PCDH15: variants seen among roughly 807,000 people sequenced by gnomAD.
PCDH15 encodes protocadherin-15.
PCDH15 carries 129 observed loss-of-function variants against 178.5 expected under a neutral mutation model. The ratio of observed to expected loss-of-function variants is 0.72; its 90% confidence interval spans 0.63 to 0.84. The LOEUF is 0.84. Ranked by LOEUF, PCDH15 falls within the 40% of genes least tolerant of loss-of-function variation. PCDH15 has a pLI of 0.00. For synonymous variants in PCDH15, 800 were observed against 732.0 expected (o/e 1.09, Z -1.50); for missense variants, 2,230 against 2,099.9 (o/e 1.06, Z -1.21).
At chr10:54,210,208 CT>C (rs368029850) in intron 10 of PCDH15, among the ~76,000 whole-genome samples, 17 of 150,012 alleles carry the variant, frequency 1.1e-4, no homozygotes, top group East Asian at 2.0e-4. Flanking sequence ...ACATTTGCAT[CT>C]TTTTTTTTTC....
At chr10:54,647,820 G>T (rs1444943709) in intron 2 of PCDH15, among the ~76,000 whole-genome samples, 5 of 152,032 alleles carry the variant, frequency 3.3e-5, no homozygotes, top group Admixed American at 2.6e-4. Flanking sequence ...CCTCTCACTA[G>T]TGGTGAATGT....
intron 2 of PCDH15, among the ~76,000 whole-genome samples, chr10:55,039,109 A>T (rs1390739935): frequency 6.6e-6 from 1 of 152,068 alleles, no homozygotes; most frequent in South Asian, 2.1e-4. Context: ...CCCTCTCTCC[A>T]TACCTTCCCA....
At chr10:54,709,563 A>AC (rs1352958690) in intron 1 of PCDH15, among the ~76,000 whole-genome samples, 1 of 146,728 alleles carries the variant, frequency 6.8e-6, no homozygotes, top group African/African-American at 2.5e-5. Context: ...AAACAAGGAA[A>AC]CACACAAGTC....
intron 2 of PCDH15, among the ~76,000 whole-genome samples, chr10:55,357,292 T>TA (rs901801763): frequency 2.0e-5 from 3 of 151,720 alleles, no homozygotes; most frequent in African/African-American, 7.2e-5. Flanking sequence ...ACCACTGCAT[T>TA]AAAAAAAATA....
intron 3 of PCDH15, among the ~76,000 whole-genome samples, chr10:54,442,147 T>G (rs1346268642): frequency 2.0e-5 from 3 of 151,260 alleles, no homozygotes; most frequent in Admixed American, 6.6e-5. Context: ...TGGTCATGTA[T>G]GTAGGTAAAT....
chr10:54,575,367 T>A (rs993070865), intron 2 of PCDH15: 24 of 153,338 alleles, frequency 1.6e-4, no homozygotes, highest in Middle Eastern at 8.6e-4. Flanking sequence ...ATAAACCAGA[T>A]AAAATCTCAT....
intron 2 of PCDH15, among the ~76,000 whole-genome samples, chr10:54,958,679 T>C (rs980656687): frequency 1.3e-5 from 2 of 151,220 alleles, no homozygotes; most frequent in Non-Finnish European, 3.0e-5. Flanking sequence ...CTATACAAAA[T>C]AGTATGATAG....
chr10:54,299,725 C>T (rs1271701136), intron 8 of PCDH15, among the ~76,000 whole-genome samples: 1 of 152,146 alleles, frequency 6.6e-6, no homozygotes, highest in East Asian at 1.9e-4. Context: ...AATGGGTGTT[C>T]AGCAAGTGAT....
At position 54,622,114 on chromosome 10, in the gene PCDH15, G is replaced by A. The variant is rs73249292; in HGVS notation, c.91+42058C>T. 3.9e-3 allele frequency among the ~76,000 whole-genome samples: 600 copies of A among 151,940 alleles called. 7 individuals are homozygous for A. Among genetic ancestry groups the A allele is most frequent in the African/African-American group, 0.014 (583 of 41,464 alleles). Reference sequence around the variant, plus strand: ...GAATGAGAGTCTGTGGGGAAGGCTGGTGAACATACTTTGATGAAAAAATGG... The same window carrying A: ...GAATGAGAGTCTGTGGGGAAGGCTGATGAACATACTTTGATGAAAAAATGG... On this transcript the variant is annotated intron_variant, in intron 2 of 37. Transcript: ENST00000644397.
chr10:54,983,368 A>C (rs2131907130), intron 2 of PCDH15, among the ~76,000 whole-genome samples: 1 of 152,274 alleles, frequency 6.6e-6, no homozygotes, highest in East Asian at 1.9e-4. Flanking sequence ...ATTGACCAAT[A>C]GTGTGTAAAC....
At chr10:54,702,802 G>A (rs1591533) in intron 1 of PCDH15, among the ~76,000 whole-genome samples, 130,034 of 151,966 alleles carry the variant, frequency 0.86, 56,354 homozygotes, top group Middle Eastern at 0.94. Flanking sequence ...CATCATTTCT[G>A]CTGAAACTAT....
At chr10:55,191,914 C>T (rs1839953273) in intron 1 of PCDH15, among the ~76,000 whole-genome samples, 1 of 151,780 alleles carries the variant, frequency 6.6e-6, no homozygotes, top group African/African-American at 2.4e-5. Flanking sequence ...AACAAGATAG[C>T]AAACCACTGC....
chr10:55,022,890 T>A (rs1211911070), intron 2 of PCDH15, among the ~76,000 whole-genome samples: 2 of 151,172 alleles, frequency 1.3e-5, no homozygotes, highest in Non-Finnish European at 2.9e-5. Context: ...GAATTTTATT[T>A]TTCAAGGCTC....
chr10:55,286,742 G>T (rs1035397467), intron 1 of PCDH15, among the ~76,000 whole-genome samples: 5 of 151,856 alleles, frequency 3.3e-5, no homozygotes, highest in African/African-American at 1.2e-4. Context: ...CCTATATTTT[G>T]CATAATCAAT....
At chr10:55,113,303 C>T (rs1402583649) in intron 2 of PCDH15, among the ~76,000 whole-genome samples, 1 of 151,804 alleles carries the variant, frequency 6.6e-6, no homozygotes, top group Admixed American at 6.6e-5. Context: ...TTCCCTGTTC[C>T]TAGATCTTAT....
At chr10:54,263,411 C>T (rs1043376707) in intron 8 of PCDH15, among the ~76,000 whole-genome samples, 24 of 152,124 alleles carry the variant, frequency 1.6e-4, no homozygotes, top group African/African-American at 2.4e-4. Context: ...TGCACTGTTG[C>T]GGATGCAGCA....
At chr10:55,503,784 A>C (rs116871711) in intron 2 of PCDH15, among the ~76,000 whole-genome samples, 50 of 151,614 alleles carry the variant, frequency 3.3e-4, no homozygotes, top group Non-Finnish European at 5.5e-4. Flanking sequence ...AATCTTGTCA[A>C]GGAGTAAAAG....
At chr10:55,101,122 TA>T (rs1348218013) in intron 2 of PCDH15, among the ~76,000 whole-genome samples, 1 of 152,146 alleles carries the variant, frequency 6.6e-6, no homozygotes, top group Non-Finnish European at 1.5e-5. Context: ...CTAATGCCTA[TA>T]ATCCCAGCAC....
intron 21 of PCDH15, among the ~76,000 whole-genome samples, chr10:53,962,158 A>G (rs1436251674): frequency 2.0e-5 from 3 of 152,142 alleles, no homozygotes; most frequent in Non-Finnish European, 4.4e-5. Flanking sequence ...CATCTTCTCT[A>G]CCACTTTCCT....
Sources: allele counts gnomAD v4.1 joint callset (sites outside exome capture counted in the v4.1 genomes callset), GRCh38; gene constraint gnomAD v4.1.1; transcripts MANE v1.5; gene names NCBI Gene and HGNC (gene_info 2026-07-23, HGNC 2026-07-21).